The following AGMO variants were observed in gnomAD, a reference collection of about 807,000 sequenced individuals.
AGMO encodes alkylglycerol monooxygenase.
Under a neutral mutation model 60.2 loss-of-function variants are expected in AGMO, and 75 were observed. That is an observed-to-expected ratio of 1.25 (90% confidence interval 1.03 to 1.51). The LOEUF (loss-of-function observed/expected upper bound fraction) is 1.51, where lower values mean the gene tolerates loss of function less well. Ranked by LOEUF, AGMO falls within the 40% of genes most tolerant of loss-of-function variation. AGMO has a pLI of 0.00. For synonymous variants in AGMO, 261 were observed against 177.1 expected (o/e 1.47, Z -3.76); for missense variants, 763 against 525.5 (o/e 1.45, Z -4.42).
At chr7:15,155,419 C>CTTTTTTTTTTTT in the AGMO span, among the ~76,000 whole-genome samples, 6 of 63,928 alleles carry the variant, frequency 9.4e-5, no homozygotes, top group Admixed American at 4.9e-4. Flanking sequence ...TACAGAATTT[C>CTTTTTTTTTTTT]TTTTTTTTTT....
chr7:15,444,338 T>C (rs1781642753), intron 3 of AGMO, among the ~76,000 whole-genome samples: 1 of 152,146 alleles, frequency 6.6e-6, no homozygotes, highest in Admixed American at 6.6e-5. Context: ...ACATTCCACT[T>C]TGGAAATGTT....
At chr7:15,531,301 CTA>C (rs1250193956) in intron 3 of AGMO, among the ~76,000 whole-genome samples, 3 of 93,660 alleles carry the variant, frequency 3.2e-5, no homozygotes, top group Non-Finnish European at 5.6e-5. Context: ...AAAATATTCT[CTA>C]TATATATTCT....
At chr7:15,379,078 A>C (rs1008097857) in intron 10 of AGMO, among the ~76,000 whole-genome samples, 3 of 151,960 alleles carry the variant, frequency 2.0e-5, no homozygotes, top group African/African-American at 7.2e-5. Flanking sequence ...GAACAAAGAC[A>C]CAACACACAA....
intron 3 of AGMO, among the ~76,000 whole-genome samples, chr7:15,519,508 T>C (rs1365754116): frequency 4.6e-5 from 7 of 152,188 alleles, no homozygotes; most frequent in Admixed American, 4.6e-4. Context: ...ACATTCAACA[T>C]TCTTAAAGAA....
At chr7:15,147,707 A>T in the AGMO span, among the ~76,000 whole-genome samples, 9 of 152,122 alleles carry the variant, frequency 5.9e-5, no homozygotes, top group Admixed American at 2.0e-4. Flanking sequence ...TGGCTGTGTG[A>T]CTAGTTAAAA....
rs60202363 is a variant in AGMO at position 15,365,380 on chromosome 7, T to TAAAAAAAAA, written c.1263+125_1263+133dup. The stretch of plus-strand genomic sequence containing the variant: ...GACACAACTAACAAGTACTGGTAAG[T>TAAAAAAAAA]AAAAAAAAAAAAAAAGATCAAGATT... On this transcript the variant is annotated intron_variant, in intron 12 of 12. Transcript: ENST00000342526. 1.0e-3 allele frequency: 233 copies of TAAAAAAAAA among 223,926 alleles called. 16 individuals are homozygous for TAAAAAAAAA. Among genetic ancestry groups the TAAAAAAAAA allele is most frequent in the African/African-American group, 6.3e-3 (109 of 17,266 alleles). The allele number at this position is 223,926 out of a possible 1,614,324, so 13.9% of individuals were successfully genotyped here. A position where few individuals can be genotyped will look rare whatever the true frequency, so the allele number is the denominator to read the frequency against.
chr7:15,299,245 A>G (rs1450352692), intron 12 of AGMO, among the ~76,000 whole-genome samples: 1 of 151,972 alleles, frequency 6.6e-6, no homozygotes, highest in Non-Finnish European at 1.5e-5. Flanking sequence ...TATAATAACA[A>G]TATAATATAA....
intron 12 of AGMO, chr7:15,306,371 T>C (rs1055162990): frequency 6.0e-6 from 2 of 333,398 alleles, no homozygotes; most frequent in African/African-American, 2.3e-5. Flanking sequence ...AAAGACCCCT[T>C]GGGGCTTACA....
chr7:15,528,883 G>C (rs1446486770), intron 3 of AGMO, among the ~76,000 whole-genome samples: 2 of 152,086 alleles, frequency 1.3e-5, no homozygotes, highest in Non-Finnish European at 2.9e-5. Flanking sequence ...CCCAACCTCA[G>C]GTGATCCGCT....
intron 12 of AGMO, among the ~76,000 whole-genome samples, chr7:15,340,355 G>C (rs906362761): frequency 6.6e-6 from 1 of 152,140 alleles, no homozygotes; most frequent in Admixed American, 6.5e-5. Flanking sequence ...TTGAATTTTT[G>C]ACTTAGGGAT....
At chr7:15,252,492 A>G (rs562031360) in intron 12 of AGMO, among the ~76,000 whole-genome samples, 2 of 152,314 alleles carry the variant, frequency 1.3e-5, no homozygotes, top group African/African-American at 4.8e-5. Context: ...GGCTATTTAG[A>G]AAATGCCTAT....
chr7:15,394,364 CTCTAT>C (rs1361063583), intron 5 of AGMO, among the ~76,000 whole-genome samples, 185 bp from the exon 6 acceptor site: 1 of 152,126 alleles, frequency 6.6e-6, no homozygotes, highest in Non-Finnish European at 1.5e-5. Flanking sequence ...AATCTCAAAA[CTCTAT>C]TCTGAGACGT....
At chr7:15,462,424 G>T (rs563139991) in intron 3 of AGMO, among the ~76,000 whole-genome samples, 2 of 152,258 alleles carry the variant, frequency 1.3e-5, no homozygotes, top group East Asian at 3.9e-4. Flanking sequence ...TATTGCCAGA[G>T]ACTTTTTTCC....
chr7:15,424,269 CT>C (rs1781000193), intron 4 of AGMO, among the ~76,000 whole-genome samples: 1 of 152,080 alleles, frequency 6.6e-6, no homozygotes, highest in African/African-American at 2.4e-5. Flanking sequence ...TCTTACTTAT[CT>C]TTATATCCCC....
intron 12 of AGMO, among the ~76,000 whole-genome samples, chr7:15,259,200 C>T (rs932177768): frequency 5.3e-5 from 8 of 151,840 alleles, no homozygotes; most frequent in African/African-American, 1.9e-4. Context: ...AAATAGATAG[C>T]ATAAATAAAA....
At chr7:15,338,005 A>T (rs1474058746) in intron 12 of AGMO, among the ~76,000 whole-genome samples, 3 of 152,194 alleles carry the variant, frequency 2.0e-5, no homozygotes, top group Admixed American at 2.0e-4. Flanking sequence ...TCCAGGGAAG[A>T]TGTGACCAAA....
chr7:15,507,099 A>G (rs894447691), intron 3 of AGMO, among the ~76,000 whole-genome samples: 2 of 152,048 alleles, frequency 1.3e-5, no homozygotes, highest in Middle Eastern at 3.2e-3. Context: ...ATAGTTAAGG[A>G]AAGTGTGAGC....
At chr7:15,203,857 G>A (rs572139343) in intron 12 of AGMO, among the ~76,000 whole-genome samples, 3 of 152,088 alleles carry the variant, frequency 2.0e-5, no homozygotes, top group Non-Finnish European at 2.9e-5. Flanking sequence ...CAAAGAATAT[G>A]AACATCCATA....
the AGMO span, among the ~76,000 whole-genome samples, chr7:15,149,860 T>C: frequency 6.6e-6 from 1 of 152,080 alleles, no homozygotes; most frequent in African/African-American, 2.4e-5. Context: ...AAAATGATGT[T>C]GGTAATTTGA....
Sources: allele counts gnomAD v4.1 joint callset (sites outside exome capture counted in the v4.1 genomes callset), GRCh38; gene constraint gnomAD v4.1.1; transcripts MANE v1.5; gene names NCBI Gene and HGNC (gene_info 2026-07-23, HGNC 2026-07-21).